NRXN1: variants seen among roughly 807,000 people sequenced by gnomAD.
The protein encoded by NRXN1 is neurexin 1, also known as neurexin-1.
Under a neutral mutation model 150.9 loss-of-function variants are expected in NRXN1, and 39 were observed. The ratio of observed to expected loss-of-function variants is 0.26; its 90% CI spans 0.20 to 0.34. The LOEUF is 0.34. NRXN1 is among the 10% of genes least tolerant of loss of function. The pLI is 1.00. For synonymous variants in NRXN1, 924 were observed against 757.0 expected (o/e 1.22, Z -3.62); for missense variants, 1,815 against 1,949.9 (o/e 0.93, Z 1.30).
intron 17 of NRXN1, among the ~76,000 whole-genome samples, chr2:50,257,080 C>T (rs1018099665): frequency 1.3e-5 from 2 of 151,832 alleles, no homozygotes; most frequent in Non-Finnish European, 2.9e-5. Context: ...CCTTATGAGG[C>T]AAGTAAATTT....
intron 15 of NRXN1, among the ~76,000 whole-genome samples, chr2:50,476,044 ATGAGTGGC>A (rs745646037): frequency 1.3e-5 from 2 of 152,112 alleles, no homozygotes; most frequent in African/African-American, 2.4e-5. Flanking sequence ...CTTCTTCAAA[ATGAGTGGC>A]TGATTTTTAA....
At chr2:50,581,663 T>A (rs1229682722) in intron 8 of NRXN1, among the ~76,000 whole-genome samples, 1 of 152,188 alleles carries the variant, frequency 6.6e-6, no homozygotes, top group Non-Finnish European at 1.5e-5. Context: ...TGAGAAAGAA[T>A]GTCATGATGA....
At chr2:50,536,610 T>G (rs951224462) in intron 10 of NRXN1, among the ~76,000 whole-genome samples, 6 of 152,208 alleles carry the variant, frequency 3.9e-5, no homozygotes, top group Non-Finnish European at 5.9e-5. Flanking sequence ...TCAGCTTCAC[T>G]TAACCAAGAG....
intron 18 of NRXN1, among the ~76,000 whole-genome samples, chr2:50,119,237 T>A (rs1028655632): frequency 1.3e-5 from 2 of 152,182 alleles, no homozygotes; most frequent in Non-Finnish European, 2.9e-5. Flanking sequence ...TTTGGAAGGC[T>A]AGGTATATTG....
chr2:50,112,968 C>T (rs1702576242), intron 18 of NRXN1, among the ~76,000 whole-genome samples: 1 of 152,038 alleles, frequency 6.6e-6, no homozygotes, highest in Admixed American at 6.6e-5. Flanking sequence ...TTTCTGTTGC[C>T]AACATTTGGA....
At chr2:49,942,952 ACC>A (rs1491179865) in intron 22 of NRXN1, among the ~76,000 whole-genome samples, 1 of 152,198 alleles carries the variant, frequency 6.6e-6, no homozygotes, top group African/African-American at 2.4e-5. Flanking sequence ...CAAAAACCAA[ACC>A]AAACCAAAAC....
intron 2 of NRXN1, among the ~76,000 whole-genome samples, chr2:50,954,570 C>G (rs890307747): frequency 1.8e-4 from 28 of 152,124 alleles, no homozygotes; most frequent in Non-Finnish European, 3.8e-4. Context: ...GGGAAAGAAA[C>G]CTGAATGGGT....
intron 18 of NRXN1, 68 bp downstream of exon 18, chr2:50,236,721 A>G: frequency 6.7e-7 from 1 of 1,494,608 alleles, no homozygotes; most frequent in Non-Finnish European, 9.3e-7. Context: ...AAGAAGCAAA[A>G]TTATAAATTC....
intron 18 of NRXN1, among the ~76,000 whole-genome samples, chr2:50,148,950 T>C (rs981589551): frequency 5.3e-5 from 8 of 151,684 alleles, no homozygotes; most frequent in African/African-American, 1.7e-4. Context: ...GAGGGTTAAA[T>C]TTACAGTGTG....
chr2:50,708,924 G>C (rs1694786200), intron 5 of NRXN1, among the ~76,000 whole-genome samples: 1 of 152,194 alleles, frequency 6.6e-6, no homozygotes, highest in African/African-American at 2.4e-5. Flanking sequence ...ACTCAGATCA[G>C]GAACAAGCCT....
intron 5 of NRXN1, among the ~76,000 whole-genome samples, chr2:50,907,049 TAA>T (rs951228517): frequency 6.6e-6 from 1 of 151,890 alleles, no homozygotes; most frequent in African/African-American, 2.4e-5. Context: ...GTCTAGAAAC[TAA>T]AAGTCTTCTC....
At chr2:50,518,646 T>C (rs571129804) in intron 12 of NRXN1, among the ~76,000 whole-genome samples, 13,465 of 40,278 alleles carry the variant, frequency 0.33, 778 homozygotes, top group Non-Finnish European at 0.44. Context: ...TAGTCACAAA[T>C]GCATTTTTTT....
chr2:50,516,073 T>C (rs1460815466), intron 12 of NRXN1, among the ~76,000 whole-genome samples: 1 of 152,172 alleles, frequency 6.6e-6, no homozygotes, highest in Non-Finnish European at 1.5e-5. Context: ...GAGTGAAACC[T>C]GTTTGTTTTA....
chr2:50,143,479 A>C (rs2152762729), intron 18 of NRXN1, among the ~76,000 whole-genome samples: 1 of 152,126 alleles, frequency 6.6e-6, no homozygotes, highest in South Asian at 2.1e-4. Context: ...ATTTAAGTAT[A>C]ATTAAAATCA....
At chr2:50,781,209 G>C (rs2105516391) in intron 5 of NRXN1, among the ~76,000 whole-genome samples, 1 of 152,272 alleles carries the variant, frequency 6.6e-6, no homozygotes, top group South Asian at 2.1e-4. Context: ...TCTGAGCTCA[G>C]AGAACCCAAA....
At chr2:50,343,888 T>A (rs758476930) in intron 17 of NRXN1, among the ~76,000 whole-genome samples, 6 of 152,254 alleles carry the variant, frequency 3.9e-5, no homozygotes, top group Non-Finnish European at 8.8e-5. Context: ...GAAATTCTAA[T>A]ACAACCAAAC....
At chr2:50,948,765 C>T (rs756522276) in intron 2 of NRXN1, among the ~76,000 whole-genome samples, 1 of 151,982 alleles carries the variant, frequency 6.6e-6, no homozygotes, top group African/African-American at 2.4e-5. Flanking sequence ...TTTTATTTGT[C>T]CTTCAAGATA....
At chr2:49,970,679 T>C (rs963028727) in intron 21 of NRXN1, 3 of 152,160 alleles carry the variant, frequency 2.0e-5, no homozygotes, top group African/African-American at 7.2e-5. Flanking sequence ...TCAATACTGG[T>C]AACTCTAGTG....
chr2:50,986,726 T>G (rs1280104141), intron 2 of NRXN1, among the ~76,000 whole-genome samples: 2 of 84,446 alleles, frequency 2.4e-5, no homozygotes, highest in Non-Finnish European at 4.5e-5. Context: ...TAAATATAAT[T>G]GCCAAATATT....
Sources: allele counts gnomAD v4.1 joint callset (sites outside exome capture counted in the v4.1 genomes callset), GRCh38; gene constraint gnomAD v4.1.1; transcripts MANE v1.5; gene names NCBI Gene and HGNC (gene_info 2026-07-23, HGNC 2026-07-21).